SGPP2: variants seen among roughly 807,000 people sequenced by gnomAD.
SGPP2 encodes the protein sphingosine 1-phosphate phosphohydrolase 2.
A neutral mutation model predicts 33.9 loss-of-function variants in SGPP2; 30 were observed. That is an observed-to-expected ratio of 0.89 (90% confidence interval 0.66 to 1.20). SGPP2 has a LOEUF of 1.20. SGPP2 is among the 50% of genes most tolerant of loss of function. The probability of loss-of-function intolerance (pLI) is 0.00; values close to 1 mark genes in which losing one functional copy is unlikely to be tolerated. For missense variants in SGPP2, 458 were observed against 532.1 expected, an observed-to-expected ratio of 0.86 and a Z score of 1.37; for synonymous variants, 233 against 225.0, an observed-to-expected ratio of 1.04 and a Z score of -0.32.
intron 1 of SGPP2, chr2:222,452,524 A>G: frequency 1.0e-6 from 1 of 996,364 alleles, no homozygotes. Flanking sequence ...TTCCAAGGCA[A>G]ACTGGCAGGA....
rs79356242 is a variant in SGPP2, at chr2:222,456,662, A to G, written c.220-17906A>G. Among the ~76,000 whole-genome samples, 105 of 152,334 alleles carry G rather than the reference A, an allele frequency of 6.9e-4. 2 individuals carry two copies. The East Asian group carries it at 0.018, about 27-fold the overall frequency. On this transcript the variant is annotated intron_variant, in intron 1 of 4. Transcript: ENST00000321276. ...TGACAAGAGGCATAAAGGATGGATG[A>G]CAGATTCTAAGCATCTTCTGGGGTA...
intron 2 of SGPP2, among the ~76,000 whole-genome samples, chr2:222,488,251 C>T (rs891679675): frequency 1.3e-5 from 2 of 152,170 alleles, no homozygotes; most frequent in Non-Finnish European, 2.9e-5. Context: ...GGTCCCCTAA[C>T]CCTGGGCCAT....
intron 2 of SGPP2, among the ~76,000 whole-genome samples, chr2:222,519,624 G>A (rs1182852009): frequency 6.6e-6 from 1 of 152,172 alleles, no homozygotes; most frequent in Non-Finnish European, 1.5e-5. Context: ...GAGGTATAGT[G>A]CACCCAGGTA....
rs1326936199 is a variant in SGPP2 at position 222,460,367 on chromosome 2, T to A, written c.220-14201T>A. On this transcript the variant is annotated intron_variant, in intron 1 of 4. Coordinates refer to ENST00000321276, the MANE Select transcript of SGPP2 (RefSeq NM_152386.4). This position sits in a 1 kb window ranked among gnomAD's most constrained non-coding sequence, Gnocchi z 4.3. ...GAGCGCAGGGAGGCTCCAGTGGGGC[T>A]GCTGGGCTGTGGATGGCAGAGGCTG... is the stretch of plus-strand genomic sequence containing the variant. Among the ~76,000 whole-genome samples, 1 of 152,206 alleles carries A rather than the reference T, an allele frequency of 6.6e-6. No individual in the cohort carries two copies. The highest frequency in any genetic ancestry group is 1.5e-5 in the Non-Finnish European group (1 of 68,032).
chr2:222,553,055 C>A (rs909365080), intron 4 of SGPP2, among the ~76,000 whole-genome samples: 7 of 152,198 alleles, frequency 4.6e-5, no homozygotes. Flanking sequence ...CCTGACCTTG[C>A]TGATCAGACC....
intron 2 of SGPP2, among the ~76,000 whole-genome samples, chr2:222,516,975 ATG>A (rs1698612871): frequency 6.6e-6 from 1 of 152,162 alleles, no homozygotes; most frequent in Admixed American, 6.5e-5. Flanking sequence ...CTTCTAGTGG[ATG>A]TGTAGCAGTG....
intron 2 of SGPP2, among the ~76,000 whole-genome samples, chr2:222,517,414 C>A (rs564378254): frequency 1.3e-5 from 2 of 152,124 alleles, no homozygotes; most frequent in African/African-American, 4.8e-5. Flanking sequence ...GAGAGGAGAT[C>A]GGCTGCTGGA....
chr2:222,540,548 G>A (rs1224873143), intron 4 of SGPP2, among the ~76,000 whole-genome samples: 3 of 152,022 alleles, frequency 2.0e-5, no homozygotes, highest in East Asian at 3.8e-4. Context: ...TATTCTATTC[G>A]CCTTTGTATA....
intron 1 of SGPP2, among the ~76,000 whole-genome samples, chr2:222,435,033 T>C (rs1697217417): frequency 6.6e-6 from 1 of 151,156 alleles, no homozygotes; most frequent in African/African-American, 2.4e-5. Context: ...TGTGTGTATA[T>C]ATATGTGTAT....
intron 4 of SGPP2, among the ~76,000 whole-genome samples, chr2:222,549,518 A>G (rs191335771): frequency 1.2e-4 from 18 of 152,316 alleles, no homozygotes; most frequent in African/African-American, 4.1e-4. Context: ...TTACTTTTAA[A>G]ATTTGTTCTG....
Position 222,550,306 on chromosome 2 carries a change from C to A in SGPP2, c.649-8041C>A, listed in dbSNP as rs764199343. Among the ~76,000 whole-genome samples, 1 of 152,062 alleles carries A rather than the reference C, an allele frequency of 6.6e-6. No individual in the cohort carries two copies. The highest frequency in any genetic ancestry group is 2.4e-5 in the African/African-American group (1 of 41,410). On this transcript the variant is annotated intron_variant, in intron 4 of 4. Coordinates refer to ENST00000321276, the MANE Select transcript of SGPP2 (RefSeq NM_152386.4). The surrounding 1 kb of genome is among the most constrained non-coding windows in gnomAD (Gnocchi z 4.5). ...TATAAACAATCATTTCTAGTTTAGT[C>A]TGTTTTGAAACACTTTGATTTTCAC...
chr2:222,452,321 A>G (rs1429381777), intron 1 of SGPP2: 10 of 627,406 alleles, frequency 1.6e-5, no homozygotes, highest in East Asian at 3.1e-5. Flanking sequence ...GAAAAATCCT[A>G]TGAGGGAGGG....
chr2:222,502,779 A>G (rs949526065), intron 2 of SGPP2, among the ~76,000 whole-genome samples: 2 of 152,214 alleles, frequency 1.3e-5, no homozygotes, highest in Non-Finnish European at 1.5e-5. Context: ...GCTAAAGCCA[A>G]CAGTGCTGGG....
Position 222,460,169 on chromosome 2 carries a change from T to C in SGPP2, c.220-14399T>C, listed in dbSNP as rs1697637740. ...CCATCCACAGAAGAAGGACTCACTT[T>C]CTCTGGGTTTTATCACGTTGTTTTT... On this transcript the variant is annotated intron_variant, in intron 1 of 4. Transcript: ENST00000321276. This position sits in a 1 kb window ranked among gnomAD's most constrained non-coding sequence, Gnocchi z 4.3. Among the ~76,000 whole-genome samples the C allele has an allele frequency of 6.6e-6, 1 of 152,196 alleles. No homozygotes were observed. Among genetic ancestry groups the C allele is most frequent in the South Asian group, 2.1e-4 (1 of 4,836 alleles).
intron 1 of SGPP2, among the ~76,000 whole-genome samples, chr2:222,467,950 GAAAAAAAAAAAAAAAAAAAA>G (rs61253653): frequency 1.5e-3 from 37 of 24,874 alleles, no homozygotes; most frequent in Admixed American, 6.7e-3. Flanking sequence ...GCTCTAATCT[GAAAAAAAAAAAAAAAAAAAA>G]AAAAAAAAAA....
At chr2:222,557,413 A>T (rs1689430306) in intron 4 of SGPP2, among the ~76,000 whole-genome samples, 1 of 152,230 alleles carries the variant, frequency 6.6e-6, no homozygotes, top group Non-Finnish European at 1.5e-5. Flanking sequence ...CCCATTGTTT[A>T]TCCAAATCAG....
intron 2 of SGPP2, among the ~76,000 whole-genome samples, chr2:222,495,688 C>G (rs1425610719): frequency 6.6e-6 from 1 of 152,210 alleles, no homozygotes; most frequent in Non-Finnish European, 1.5e-5. Flanking sequence ...ATAAGACCCA[C>G]AGATGCCTCC....
At chr2:222,479,281 T>C (rs1697993452) in intron 2 of SGPP2, among the ~76,000 whole-genome samples, 1 of 152,190 alleles carries the variant, frequency 6.6e-6, no homozygotes, top group Non-Finnish European at 1.5e-5. Context: ...CTTCAAGTAT[T>C]ACAATGATTT....
chr2:222,432,035 C>T (rs771795132), intron 1 of SGPP2, among the ~76,000 whole-genome samples: 1 of 152,164 alleles, frequency 6.6e-6, no homozygotes, highest in Non-Finnish European at 1.5e-5. Flanking sequence ...TAGGCTGAAG[C>T]CTTAATGTGG....
Sources: gnomAD v4.1 joint callset for allele counts (sites outside exome capture counted in the v4.1 genomes callset) on GRCh38, gnomAD v4.1.1 for gene constraint, Gnocchi (gnomAD v3.1) non-coding constraint, MANE v1.5 for transcripts, NCBI Gene and HGNC (gene_info 2026-07-23, HGNC 2026-07-21) for gene names.